The following PTPRT variants were observed in gnomAD, a reference collection of about 807,000 sequenced individuals.
The protein encoded by PTPRT is protein tyrosine phosphatase receptor type T.
In PTPRT, 56 loss-of-function variants were observed where a neutral mutation model predicts 176.8. That is an observed-to-expected ratio of 0.32 (90% CI 0.26 to 0.40). The LOEUF (loss-of-function observed/expected upper bound fraction) is 0.40, where lower values mean the gene tolerates loss of function less well. Ranked by LOEUF, PTPRT falls within the 10% of genes least tolerant of loss-of-function variation. The pLI, the probability that PTPRT is intolerant of heterozygous loss-of-function variation, is 1.00. For missense variants in PTPRT, 1,540 were observed against 1,908.2 expected (o/e 0.81, Z 3.60); for synonymous variants, 783 against 739.0 (o/e 1.06, Z -0.96).
At chr20:42,176,367 A>G (rs2143008) in intron 16 of PTPRT, among the ~76,000 whole-genome samples, 94,034 of 152,002 alleles carry the variant, frequency 0.62, 29,893 homozygotes, top group African/African-American at 0.76. Flanking sequence ...CTCAAAATGC[A>G]TATCTTCTCC....
intron 9 of PTPRT, among the ~76,000 whole-genome samples, chr20:42,382,582 G>A (rs1165439647): frequency 1.3e-5 from 2 of 152,172 alleles, no homozygotes; most frequent in Non-Finnish European, 2.9e-5. Context: ...TCATGGAGAT[G>A]GGTGCTAGGT....
At chr20:42,451,611 C>A (rs1460687989) in intron 8 of PTPRT, among the ~76,000 whole-genome samples, 3 of 152,036 alleles carry the variant, frequency 2.0e-5, no homozygotes, top group African/African-American at 4.8e-5. Flanking sequence ...GAGAGGCAAC[C>A]AGAAAACCAG....
intron 2 of PTPRT, among the ~76,000 whole-genome samples, chr20:42,812,586 T>C (rs1456488963): frequency 1.3e-5 from 2 of 152,156 alleles, no homozygotes; most frequent in Non-Finnish European, 2.9e-5. Flanking sequence ...TTGTAACACA[T>C]TCTCTTTTGA....
chr20:42,693,786 G>A (rs1158781072), intron 6 of PTPRT, among the ~76,000 whole-genome samples: 2 of 151,924 alleles, frequency 1.3e-5, no homozygotes, highest in Non-Finnish European at 2.9e-5. Context: ...CTGACCCTGG[G>A]GTAGGCAAAC....
At chr20:42,902,369 C>G (rs2079417221) in intron 1 of PTPRT, among the ~76,000 whole-genome samples, 1 of 152,144 alleles carries the variant, frequency 6.6e-6, no homozygotes, top group Non-Finnish European at 1.5e-5. Context: ...CTGTGGAACT[C>G]TGGAGTGCCC....
At chr20:42,564,850 G>T (rs2073012412) in intron 7 of PTPRT, among the ~76,000 whole-genome samples, 1 of 152,156 alleles carries the variant, frequency 6.6e-6, no homozygotes, top group Admixed American at 6.6e-5. Flanking sequence ...ACCTAGAGAT[G>T]ATTTAAAGTA....
chr20:42,204,975 T>A (rs1204384758), intron 15 of PTPRT, among the ~76,000 whole-genome samples: 1 of 65,814 alleles, frequency 1.5e-5, no homozygotes, highest in Non-Finnish European at 4.0e-5. Context: ...AAGGAATTTC[T>A]TTTTTTTTTT....
chr20:42,236,442 A>G (rs1415674718), intron 14 of PTPRT, among the ~76,000 whole-genome samples, 184 bp from the exon 15 acceptor site: 1 of 152,330 alleles, frequency 6.6e-6, no homozygotes, highest in Non-Finnish European at 1.5e-5. Flanking sequence ...AGAATCAGAT[A>G]TTTCCAGTGG....
chr20:42,217,424 C>CACAG (rs1222401402), intron 15 of PTPRT, among the ~76,000 whole-genome samples: 1 of 88,540 alleles, frequency 1.1e-5, no homozygotes, highest in African/African-American at 6.3e-5. Flanking sequence ...CACACACACA[C>CACAG]AGAACATTAC....
chr20:42,381,022 G>A (rs80037305), intron 9 of PTPRT, among the ~76,000 whole-genome samples: 11,644 of 152,046 alleles, frequency 0.077, 478 homozygotes, highest in African/African-American at 0.11. Context: ...GGAGGGAGGT[G>A]CTACACACTT....
chr20:42,495,263 T>G lies in PTPRT; in HGVS notation c.1154-22701A>C, dbSNP rs144680290. The stretch of plus-strand genomic sequence containing the variant: ...TGCCATATTTTCTTTGTTCAAGTTG[T>G]CTTAGGTCACTGGGTAAGCTGTGGT... On this transcript the variant is annotated intron_variant, in intron 7 of 30. Transcript: ENST00000373187. Among the ~76,000 whole-genome samples, 320 of 152,328 alleles carry G rather than the reference T, an allele frequency of 2.1e-3. 3 individuals are homozygous for G. The highest frequency in any genetic ancestry group is 7.0e-3 in the African/African-American group (293 of 41,584).
intron 1 of PTPRT, among the ~76,000 whole-genome samples, chr20:42,946,294 G>A (rs1281745104): frequency 1.3e-5 from 2 of 152,144 alleles, no homozygotes; most frequent in Non-Finnish European, 2.9e-5. Context: ...CAGATGGCAG[G>A]GCCTGAATGT....
At chr20:42,297,560 G>A (rs1020933811) in intron 12 of PTPRT, among the ~76,000 whole-genome samples, 1 of 152,140 alleles carries the variant, frequency 6.6e-6, no homozygotes, top group Non-Finnish European at 1.5e-5. Flanking sequence ...GAACATGCAA[G>A]AAGAGCTAGA....
intron 9 of PTPRT, among the ~76,000 whole-genome samples, chr20:42,383,873 A>G (rs1032475439): frequency 6.6e-6 from 1 of 152,198 alleles, no homozygotes; most frequent in Non-Finnish European, 1.5e-5. Flanking sequence ...AATTGAAAGG[A>G]TTCTCCAGAA....
intron 6 of PTPRT, among the ~76,000 whole-genome samples, chr20:42,733,306 T>G (rs1234987814): frequency 1.3e-5 from 2 of 152,156 alleles, no homozygotes; most frequent in East Asian, 3.9e-4. Flanking sequence ...GGGGGTTCAC[T>G]CTCTTCTGAA....
At chr20:43,161,987 G>C (rs1271588837) in intron 1 of PTPRT, among the ~76,000 whole-genome samples, 1 of 152,196 alleles carries the variant, frequency 6.6e-6, no homozygotes, top group East Asian at 1.9e-4. Flanking sequence ...TATTTACACA[G>C]ACTCGATAGA....
chr20:42,737,546 G>A (rs2076557764), intron 6 of PTPRT, among the ~76,000 whole-genome samples: 1 of 151,892 alleles, frequency 6.6e-6, no homozygotes, highest in Non-Finnish European at 1.5e-5. Context: ...CAGGGAGAAT[G>A]GCTTGAACCC....
chr20:43,159,706 T>C (rs920293916), intron 1 of PTPRT, among the ~76,000 whole-genome samples: 1 of 152,142 alleles, frequency 6.6e-6, no homozygotes, highest in Non-Finnish European at 1.5e-5. Context: ...CCATATAATA[T>C]ACTCTCAGAT....
intron 1 of PTPRT, among the ~76,000 whole-genome samples, chr20:43,151,132 C>T (rs1214442213): frequency 1.3e-5 from 2 of 151,796 alleles, no homozygotes; most frequent in African/African-American, 4.8e-5. Flanking sequence ...CATGGAGAAA[C>T]CCCATCTCTA....
Sources: gnomAD v4.1 joint callset for allele counts (sites outside exome capture counted in the v4.1 genomes callset) on GRCh38, gnomAD v4.1.1 for gene constraint, MANE v1.5 for transcripts, NCBI Gene and HGNC (gene_info 2026-07-23, HGNC 2026-07-21) for gene names.